Variants in FSHR observed in about 807,000 individuals in gnomAD.
FSHR encodes the protein follicle-stimulating hormone receptor.
Under a neutral mutation model 52.1 loss-of-function variants are expected in FSHR, and 46 were observed. The observed-to-expected ratio is 0.88, with a 90% CI of 0.70 to 1.13. The LOEUF (loss-of-function observed/expected upper bound fraction) is 1.13. FSHR is among the 50% of genes most tolerant of loss of function. FSHR has a pLI of 0.00. For synonymous variants in FSHR, 399 were observed against 309.6 expected (o/e 1.29, Z -3.03); for missense variants, 964 against 834.6 (o/e 1.16, Z -1.91).
chr2:49,152,436 A>G (rs1342211679), intron 1 of FSHR, among the ~76,000 whole-genome samples: 1 of 152,092 alleles, frequency 6.6e-6, no homozygotes, highest in East Asian at 1.9e-4. Flanking sequence ...ATAGTAATTC[A>G]TACAAATATA....
At chr2:48,978,792 G>A (rs985393709) in intron 8 of FSHR, among the ~76,000 whole-genome samples, 1 of 152,148 alleles carries the variant, frequency 6.6e-6, no homozygotes, top group Non-Finnish European at 1.5e-5. Flanking sequence ...TTCTTTGTGT[G>A]GAACAGTGCA....
intron 1 of FSHR, among the ~76,000 whole-genome samples, chr2:49,114,927 A>G (rs17038275): frequency 0.042 from 6,431 of 151,998 alleles, 418 homozygotes; most frequent in East Asian, 0.22. Context: ...AGATATACAG[A>G]AAAAGCAATC....
chr2:49,042,471 T>C (rs994825512), intron 2 of FSHR, among the ~76,000 whole-genome samples: 4 of 152,196 alleles, frequency 2.6e-5, no homozygotes, highest in African/African-American at 4.8e-5. Context: ...GGAAAATAAT[T>C]TGACAAAGGT....
At chr2:48,995,235 G>C (rs1675973152) in intron 4 of FSHR, among the ~76,000 whole-genome samples, 1 of 152,110 alleles carries the variant, frequency 6.6e-6, no homozygotes, top group Admixed American at 6.6e-5. Flanking sequence ...GTTTCAGGGA[G>C]TTTGGGAGTG....
At chr2:49,045,530 T>A (rs1194836624) in intron 2 of FSHR, among the ~76,000 whole-genome samples, 1 of 152,228 alleles carries the variant, frequency 6.6e-6, no homozygotes, top group Non-Finnish European at 1.5e-5. Context: ...ACTAGAATGT[T>A]AATTTCAAGG....
chr2:48,983,602 C>G (rs1318841076), intron 6 of FSHR, among the ~76,000 whole-genome samples: 1 of 152,148 alleles, frequency 6.6e-6, no homozygotes, highest in Non-Finnish European at 1.5e-5. Context: ...TCTCTAAGGC[C>G]TTAAGCCTTT....
chr2:49,080,901 C>T (rs1190297495), intron 1 of FSHR, among the ~76,000 whole-genome samples: 1 of 152,186 alleles, frequency 6.6e-6, no homozygotes, highest in Non-Finnish European at 1.5e-5. Context: ...CTCTAATTAC[C>T]TAGGTCCAGG....
chr2:48,978,305 T>C (rs1163842251), intron 8 of FSHR, among the ~76,000 whole-genome samples: 3 of 152,230 alleles, frequency 2.0e-5, no homozygotes. Flanking sequence ...ATCATTTCCA[T>C]AAGTGAGAGC....
At chr2:49,111,546 A>G (rs1333546056) in intron 1 of FSHR, among the ~76,000 whole-genome samples, 2 of 152,130 alleles carry the variant, frequency 1.3e-5, no homozygotes, top group South Asian at 4.1e-4. Flanking sequence ...TCAGGTCTCA[A>G]AAGAAGGTGA....
At chr2:49,087,444 T>A (rs1383771150) in intron 1 of FSHR, among the ~76,000 whole-genome samples, 1 of 152,184 alleles carries the variant, frequency 6.6e-6, no homozygotes, top group African/African-American at 2.4e-5. Flanking sequence ...AAATATTCAC[T>A]GTGTTCCTAT....
intron 4 of FSHR, among the ~76,000 whole-genome samples, chr2:49,006,167 T>A (rs1203022626): frequency 6.6e-6 from 1 of 152,116 alleles, no homozygotes; most frequent in Non-Finnish European, 1.5e-5. Flanking sequence ...TTAATACTAC[T>A]AAATAAACTC....
At chr2:49,087,857 T>C (rs1442675948) in intron 1 of FSHR, among the ~76,000 whole-genome samples, 1 of 152,214 alleles carries the variant, frequency 6.6e-6, no homozygotes, top group Non-Finnish European at 1.5e-5. Context: ...GACAGACACA[T>C]TTCCTTCTCT....
intron 1 of FSHR, among the ~76,000 whole-genome samples, chr2:49,097,310 A>G (rs1294876980): frequency 6.6e-6 from 1 of 152,122 alleles, no homozygotes; most frequent in Non-Finnish European, 1.5e-5. Flanking sequence ...CTTTCATTAG[A>G]TATGAGAATT....
At chr2:49,126,327 G>T (rs972475422) in intron 1 of FSHR, among the ~76,000 whole-genome samples, 1 of 150,074 alleles carries the variant, frequency 6.7e-6, no homozygotes, top group Non-Finnish European at 1.5e-5. Flanking sequence ...AAGGAAGAGG[G>T]GGGGAGAGAG....
intron 2 of FSHR, among the ~76,000 whole-genome samples, chr2:49,045,920 A>G (rs941438340): frequency 6.6e-6 from 1 of 152,218 alleles, no homozygotes; most frequent in African/African-American, 2.4e-5. Context: ...TGACATGACT[A>G]TAAGACTCTC....
At chr2:49,048,407 T>G (rs1668737822) in intron 2 of FSHR, among the ~76,000 whole-genome samples, 1 of 152,162 alleles carries the variant, frequency 6.6e-6, no homozygotes, top group African/African-American at 2.4e-5. Context: ...CCTAACTCTG[T>G]GCTAGGTGCT....
chr2:49,063,175 G>C (rs550993725), intron 2 of FSHR, among the ~76,000 whole-genome samples: 36 of 152,172 alleles, frequency 2.4e-4, no homozygotes, highest in Middle Eastern at 3.4e-3. Context: ...AAGTGTGGGA[G>C]GATTTGCTCT....
At chr2:49,079,344 C>T (rs1208563102) in intron 1 of FSHR, among the ~76,000 whole-genome samples, 2 of 151,874 alleles carry the variant, frequency 1.3e-5, no homozygotes, top group Non-Finnish European at 2.9e-5. Flanking sequence ...CCATCTAAAG[C>T]ACAGTTGTTT....
intron 1 of FSHR, among the ~76,000 whole-genome samples, chr2:49,110,095 T>C (rs1253088559): frequency 2.0e-5 from 3 of 152,162 alleles, no homozygotes; most frequent in Non-Finnish European, 2.9e-5. Flanking sequence ...AATTCTCATG[T>C]TTTTATGTTG....
Sources: allele counts gnomAD v4.1 joint callset (sites outside exome capture counted in the v4.1 genomes callset), GRCh38; gene constraint gnomAD v4.1.1; transcripts MANE v1.5; gene names NCBI Gene and HGNC (gene_info 2026-07-23, HGNC 2026-07-21).